Variants in ANAPC10 observed in about 807,000 individuals in gnomAD.
The protein encoded by ANAPC10 is anaphase promoting complex subunit 10.
ANAPC10 carries 12 observed loss-of-function variants against 22.0 expected under a neutral mutation model. The observed-to-expected ratio is 0.55, with a 90% CI of 0.35 to 0.88. ANAPC10 has a LOEUF of 0.88. Ranked by LOEUF, ANAPC10 falls within the 40% of genes least tolerant of loss-of-function variation. The probability of loss-of-function intolerance (pLI) is 0.01; values close to 1 mark genes in which losing one functional copy is unlikely to be tolerated. For missense variants in ANAPC10, 188 were observed against 220.9 expected (o/e 0.85, Z 0.94); for synonymous variants, 65 against 69.5 (o/e 0.94, Z 0.32).
chr4:145,026,866 CAAGAAG>C (rs993760218), intron 4 of ANAPC10, among the ~76,000 whole-genome samples: 7 of 130,392 alleles, frequency 5.4e-5, no homozygotes, highest in Non-Finnish European at 1.1e-4. Flanking sequence ...GGTCAAAGAA[CAAGAAG>C]AAGTCTTAGA....
chr4:145,022,489 T>C (rs1440769489), intron 4 of ANAPC10, among the ~76,000 whole-genome samples: 1 of 151,854 alleles, frequency 6.6e-6, no homozygotes, highest in Non-Finnish European at 1.5e-5. Flanking sequence ...ATAAGAATGA[T>C]ACAATGGACT....
At chr4:145,026,481 T>C (rs1220478938) in intron 4 of ANAPC10, among the ~76,000 whole-genome samples, 3 of 152,026 alleles carry the variant, frequency 2.0e-5, no homozygotes, top group Non-Finnish European at 2.9e-5. Context: ...CAGCTTTAAA[T>C]AAGGTGGTCA....
intron 4 of ANAPC10, among the ~76,000 whole-genome samples, chr4:145,044,802 T>C (rs928129028): frequency 3.3e-5 from 5 of 152,082 alleles, no homozygotes; most frequent in Non-Finnish European, 7.4e-5. Flanking sequence ...ACACTATAGT[T>C]AATAACACAC....
rs7660966 is a variant in ANAPC10 at position 145,061,050 on chromosome 4, A to T, written c.327+3522T>A. Among the ~76,000 whole-genome samples the T allele has an allele frequency of 2.5e-3, 380 of 152,246 alleles. 2 individuals are homozygous for T. The highest frequency in any genetic ancestry group is 8.9e-3 in the African/African-American group (368 of 41,572). ...TTCCTGAGTGAGAACTATGGCAGAA[A>T]AGTAGTATGTTCATTAAGTTTTCCA... On this transcript the variant is annotated intron_variant, in intron 4 of 4. Transcript: ENST00000507656.
At chr4:145,066,721 T>A (rs1041396449) in intron 3 of ANAPC10, among the ~76,000 whole-genome samples, 1 of 152,056 alleles carries the variant, frequency 6.6e-6, no homozygotes, top group African/African-American at 2.4e-5. Flanking sequence ...ACATATTGTC[T>A]CATTTATTTC....
At chr4:145,029,942 C>T (rs1737310055) in intron 4 of ANAPC10, among the ~76,000 whole-genome samples, 1 of 152,154 alleles carries the variant, frequency 6.6e-6, no homozygotes, top group African/African-American at 2.4e-5. Flanking sequence ...ACGATGAGAA[C>T]CACGGTCACT....
rs145087904 is a variant in ANAPC10, at chr4:145,032,415, C to T, written c.327+32157G>A. ...GAATCATGATTGGAAAATTGGTGACCAAGAAATTTAGGGAAGAGGTATGTG... is the reference window on the plus strand; with the variant it reads ...GAATCATGATTGGAAAATTGGTGACTAAGAAATTTAGGGAAGAGGTATGTG... On this transcript the variant is annotated intron_variant, in intron 4 of 4. Transcript: ENST00000507656. Among the ~76,000 whole-genome samples, 1,298 of 152,230 alleles carry T rather than the reference C, an allele frequency of 8.5e-3. 18 individuals are homozygous for T. The highest frequency in any genetic ancestry group is 0.044 in the South Asian group (214 of 4,824).
At chr4:144,997,854 C>A (rs1218377240) in intron 4 of ANAPC10, among the ~76,000 whole-genome samples, 1 of 152,114 alleles carries the variant, frequency 6.6e-6, no homozygotes, top group Admixed American at 6.5e-5. Context: ...TGCAGAGACA[C>A]ACACAGCCTC....
intron 4 of ANAPC10, among the ~76,000 whole-genome samples, chr4:145,026,876 T>C (rs1736732817): frequency 7.8e-6 from 1 of 127,938 alleles, no homozygotes; most frequent in Non-Finnish European, 1.6e-5. Context: ...CAAGAAGAAG[T>C]CTTAGAAATT....
At chr4:145,098,003 C>T (rs568110381) in intron 1 of ANAPC10, 117 bp downstream of exon 1, 1 of 163,202 alleles carries the variant, frequency 6.1e-6, no homozygotes, top group Non-Finnish European at 1.3e-5. Context: ...GGCTCCACTC[C>T]TGACCCACCG....
intron 4 of ANAPC10, among the ~76,000 whole-genome samples, chr4:145,008,559 C>A (rs1185320898): frequency 1.3e-5 from 2 of 152,110 alleles, no homozygotes; most frequent in African/African-American, 4.8e-5. Context: ...CGTAATCCAT[C>A]ATATAAACAG....
At chr4:145,015,592 C>T (rs1021497565) in intron 4 of ANAPC10, among the ~76,000 whole-genome samples, 3 of 152,098 alleles carry the variant, frequency 2.0e-5, no homozygotes, top group Admixed American at 2.0e-4. Flanking sequence ...CAAAGAACAC[C>T]TGGAAAATTC....
intron 4 of ANAPC10, among the ~76,000 whole-genome samples, chr4:145,022,797 CAA>C (rs750015564): frequency 2.8e-4 from 24 of 85,054 alleles, no homozygotes; most frequent in Non-Finnish European, 3.4e-4. Context: ...ACTGCCAAAC[CAA>C]AAAAAAAAAA....
intron 4 of ANAPC10, among the ~76,000 whole-genome samples, chr4:145,062,787 GTAAA>G (rs773983535): frequency 4.6e-5 from 7 of 152,084 alleles, no homozygotes; most frequent in South Asian, 2.1e-4. Context: ...CAATGAATGG[GTAAA>G]TAAACTGTGG....
At chr4:145,036,104 A>AG (rs1483151637) in intron 4 of ANAPC10, among the ~76,000 whole-genome samples, 1 of 152,224 alleles carries the variant, frequency 6.6e-6, no homozygotes, top group African/African-American at 2.4e-5. Context: ...GCCTAAAAAA[A>AG]ATTTAAGCAT....
intron 4 of ANAPC10, among the ~76,000 whole-genome samples, chr4:145,034,863 T>C (rs929354434): frequency 6.6e-6 from 1 of 152,040 alleles, no homozygotes; most frequent in Non-Finnish European, 1.5e-5. Context: ...TTAGTGTCCC[T>C]GTTGTGCTCA....
chr4:145,010,176 G>C (rs1734069710), intron 4 of ANAPC10, among the ~76,000 whole-genome samples: 1 of 152,118 alleles, frequency 6.6e-6, no homozygotes, highest in Non-Finnish European at 1.5e-5. Flanking sequence ...GGAAACCCCA[G>C]GTGCTGGAGG....
In ANAPC10 at chr4:145,093,275, T is replaced by G. The variant is rs150130793; in HGVS notation, c.115+2710A>C. ...CATCTTTAGAGGAATTTGAAGCCTG[T>G]GAGACACTGAAGGTAACCATAGCAA... On this transcript the variant is annotated intron_variant, in intron 2 of 4. Transcript: ENST00000507656. Among the ~76,000 whole-genome samples the G allele has an allele frequency of 4.6e-5, 7 of 152,278 alleles. No individual in the cohort carries two copies. The East Asian group carries it at 1.3e-3, about 29-fold the overall frequency.
chr4:145,016,549 G>C (rs1377025763), intron 4 of ANAPC10, among the ~76,000 whole-genome samples: 1 of 152,122 alleles, frequency 6.6e-6, no homozygotes, highest in East Asian at 1.9e-4. Flanking sequence ...TATTGCCCAA[G>C]GTAATTTATA....
Sources: allele counts gnomAD v4.1 joint callset (sites outside exome capture counted in the v4.1 genomes callset), GRCh38; gene constraint gnomAD v4.1.1; transcripts MANE v1.5; gene names NCBI Gene and HGNC (gene_info 2026-07-23, HGNC 2026-07-21).